The following AHNAK variants were observed in gnomAD, a reference collection of about 807,000 sequenced individuals.
AHNAK encodes neuroblast differentiation-associated protein AHNAK.
Under a neutral mutation model 37.8 loss-of-function variants are expected in AHNAK, and 23 were observed. That is an observed-to-expected ratio of 0.61 (90% CI 0.44 to 0.86). AHNAK has a LOEUF of 0.86. Ranked by LOEUF, AHNAK falls within the 40% of genes least tolerant of loss-of-function variation. The pLI is 0.00. For synonymous variants in AHNAK, 2,481 were observed against 2,636.3 expected, an observed-to-expected ratio of 0.94 and a Z score of 1.80; for missense variants, 7,411 against 7,319.4, an observed-to-expected ratio of 1.01 and a Z score of -0.46.
Position 62,531,073 on chromosome 11 carries a change from A to G in AHNAK, c.3344T>C (p.Val1115Ala), listed in dbSNP as rs1940726503. Residue 1115 changes from valine to alanine, a missense_variant, in exon 5 of 5, where the codon GTG (valine) becomes GCG (alanine). Transcript: ENST00000378024. ...GCTCCAGTCCAGGCCTTGGCCTTCCACATCTGGTGCTTTAATATCTACCTT... is the reference window on the plus strand; with the variant it reads ...GCTCCAGTCCAGGCCTTGGCCTTCCGCATCTGGTGCTTTAATATCTACCTT... ...GPKVDIKAPD[V>A]EGQGLDWSLK... 6 of 1,613,554 alleles carry G rather than the reference A, an allele frequency of 3.7e-6. No individual in the cohort carries two copies. Among genetic ancestry groups the G allele is most frequent in the Non-Finnish European group, 5.1e-6 (6 of 1,179,914 alleles).
intron 5 of AHNAK, among the ~76,000 whole-genome samples, chr11:62,479,221 A>G (rs2905820): frequency 0.78 from 110,942 of 142,158 alleles, 48,276 homozygotes; most frequent in Non-Finnish European, 0.96. Flanking sequence ...AGGTTGGGGT[A>G]CAATGGCACG....
Position 62,522,425 on chromosome 11 carries a change from C to T in AHNAK, c.11992G>A (p.Ala3998Thr). 1 of 1,614,080 alleles carries T rather than the reference C, an allele frequency of 6.2e-7. No homozygotes were observed. Among genetic ancestry groups the T allele is most frequent in the Admixed American group, 1.7e-5 (1 of 59,998 alleles). ...AAGTCAGGCATGGAGATCTTGGGGG[C>T]TTTGATGTTCATCTCTGGCATCTTG... Reference protein sequence around the residue: ...KFKMPEMNIKAPKISMPDFDL... With the variant: ...KFKMPEMNIKTPKISMPDFDL... The change falls in exon 5 of 5, where the codon GCC becomes ACC. Residue 3998 changes from alanine to threonine, a missense_variant. Coordinates refer to ENST00000378024, the MANE Select transcript of AHNAK (RefSeq NM_001620.3).
At position 62,523,707 on chromosome 11, in the gene AHNAK, C is replaced by G; in HGVS notation, c.10710G>C (p.Gly3570=). 6.2e-7 allele frequency: 1 copy of G among 1,612,910 alleles called. No homozygotes were observed. Among genetic ancestry groups the G allele is most frequent in the African/African-American group, 1.3e-5 (1 of 74,554 alleles). ...TATCAACCTCTGGCCCTTTCAGATCCCCTTCAAGTTTGGGAAGAGAAATAT... is the reference window on the plus strand; with the variant it reads ...TATCAACCTCTGGCCCTTTCAGATCGCCTTCAAGTTTGGGAAGAGAAATAT... ...DVDISLPKLE[G]DLKGPEVDIK... is the part of the protein sequence containing the mutation. Residue 3570 remains glycine (G), a synonymous_variant, in exon 5 of 5, where the codon GGG becomes GGC. Transcript: ENST00000378024.
In AHNAK at chr11:62,526,123, T is replaced by C. The variant is rs1444179215; in HGVS notation, c.8294A>G (p.Lys2765Arg). The change falls in exon 5 of 5, where the codon AAG (lysine) becomes AGG (arginine). Residue 2765 changes from lysine to arginine, a missense_variant. Transcript: ENST00000378024. Reference protein sequence around the residue: ...VDVHGPDWHLKMPKIKMPKIS... With the variant: ...VDVHGPDWHLRMPKIKMPKIS... ...CTTGGGCATTTTTATCTTGGGCATCTTTAGGTGCCAGTCTGGGCCATGAAC... is the reference window on the plus strand; with the variant it reads ...CTTGGGCATTTTTATCTTGGGCATCCTTAGGTGCCAGTCTGGGCCATGAAC... 2 of 1,613,626 alleles carry C rather than the reference T, an allele frequency of 1.2e-6. No individual in the cohort carries two copies. The highest frequency in any genetic ancestry group is 3.3e-5 in the Admixed American group (2 of 59,930).
chr11:62,499,747 T>A (rs1263321325), intron 4 of AHNAK, among the ~76,000 whole-genome samples: 1 of 152,164 alleles, frequency 6.6e-6, no homozygotes, highest in East Asian at 1.9e-4. Flanking sequence ...CCACGTAGAA[T>A]GATGATGGCT....
chr11:62,482,137 G>A lies in AHNAK; in HGVS notation c.442+9595C>T, dbSNP rs559655520. On this transcript the variant is annotated intron_variant, in intron 5 of 5. Coordinates refer to the AHNAK transcript ENST00000257247. ...ACCTTCATCAAGATGTATTTAGGCC[G>A]GGTGCAGTGGCTCACATCTGTAATC... 1.6e-4 allele frequency among the ~76,000 whole-genome samples: 24 copies of A among 152,188 alleles called. No homozygotes were observed. The South Asian group carries it at 3.9e-3, about 25-fold the overall frequency.
chr11:62,468,484 G>A (rs78129749), intron 5 of AHNAK, among the ~76,000 whole-genome samples: 6,440 of 152,100 alleles, frequency 0.042, 187 homozygotes, highest in Middle Eastern at 0.078. Context: ...AATTATAGGA[G>A]GCCATTGGTT....
At chr11:62,450,404 G>A (rs1297905365) in intron 5 of AHNAK, among the ~76,000 whole-genome samples, 3 of 152,052 alleles carry the variant, frequency 2.0e-5, no homozygotes, top group African/African-American at 4.8e-5. Flanking sequence ...TGTTGGCCAG[G>A]CTGGTCTCAA....
chr11:62,491,944 T>C (rs11231109), intron 4 of AHNAK: 54,727 of 924,782 alleles, frequency 0.059, 6,246 homozygotes, highest in African/African-American at 0.42. Flanking sequence ...CGTTTACCAC[T>C]ACCACCCCCC....
chr11:62,520,626 T>A lies in AHNAK; in HGVS notation c.13791A>T (p.Glu4597Asp). The A allele has an allele frequency of 6.2e-7, 1 of 1,613,954 alleles. No individual in the cohort carries two copies. Among genetic ancestry groups the A allele is most frequent in the East Asian group, 2.2e-5 (1 of 44,832 alleles). Reference protein sequence around the residue: ...HLKAPKISMPEVDLNLKGPKV... With the variant: ...HLKAPKISMPDVDLNLKGPKV... Reference sequence around the variant, plus strand: ...TTGGACCTTTCAGATTCAGGTCAACTTCAGGCATAGAGATCTTCGGTGCCT... The same window carrying A: ...TTGGACCTTTCAGATTCAGGTCAACATCAGGCATAGAGATCTTCGGTGCCT... The change falls in exon 5 of 5, where the codon GAA becomes GAT. Residue 4597 changes from glutamate to aspartate, a missense_variant. By Grantham distance (45) the Glu-to-Asp change is conservative (BLOSUM62 2). Coordinates refer to ENST00000378024, the MANE Select transcript of AHNAK (RefSeq NM_001620.3).
At chr11:62,437,432 G>A (rs1411926896) in intron 5 of AHNAK, among the ~76,000 whole-genome samples, 3 of 152,148 alleles carry the variant, frequency 2.0e-5, no homozygotes, top group Admixed American at 1.3e-4. Context: ...CTCAGCCACT[G>A]CAACATCTGC....
chr11:62,536,278 C>T (rs577933583), intron 2 of AHNAK, 180 bp from the exon 3 acceptor site: 3 of 565,948 alleles, frequency 5.3e-6, no homozygotes, highest in East Asian at 3.4e-5. Context: ...ATTCGTCTCA[C>T]GTCCTTCCAC....
intron 2 of AHNAK, 171 bp from the exon 3 acceptor site, chr11:62,536,269 T>A: frequency 1.6e-6 from 1 of 613,050 alleles, no homozygotes; most frequent in South Asian, 2.4e-5. Flanking sequence ...GGTGGGGTAA[T>A]TCGTCTCACG....
chr11:62,521,754 T>A lies in AHNAK; in HGVS notation c.12663A>T (p.Gly4221=), dbSNP rs140077423. The change falls in exon 5 of 5, where the codon GGA becomes GGT. Residue 4221 remains glycine, a synonymous_variant. Coordinates refer to ENST00000378024, the MANE Select transcript of AHNAK (RefSeq NM_001620.3). The part of the protein sequence containing the change: ...NLPKADLDVS[G]PKVDIDVPDV... ...CAGGAACATCAATGTCCACCTTGGG[T>A]CCTGAGACGTCAAGGTCAGCCTTGG... is the stretch of plus-strand genomic sequence containing the variant. The A allele has an allele frequency of 1.0e-4, 168 of 1,612,264 alleles. No individual in the cohort carries two copies. The highest frequency in any genetic ancestry group is 1.4e-4 in the Non-Finnish European group (160 of 1,179,580).
In AHNAK at chr11:62,526,712, T is replaced by A. The variant is rs1940504068; in HGVS notation, c.7705A>T (p.Met2569Leu). The change falls in exon 5 of 5, where the codon ATG becomes TTG. Residue 2569 changes from methionine (M) to leucine (L), a missense_variant. Coordinates refer to ENST00000378024, the MANE Select transcript of AHNAK (RefSeq NM_001620.3). Reference protein sequence around the residue: ...EGKLKGPKLKMPEMNIKAPKI... With the variant: ...EGKLKGPKLKLPEMNIKAPKI... ...GGGGCTTTGATGTTCATCTCTGGCA[T>A]CTTTAACTTAGGCCCTTTCAACTTT... 1.1e-5 allele frequency: 18 copies of A among 1,613,484 alleles called. No homozygotes were observed. Among genetic ancestry groups the A allele is most frequent in the Non-Finnish European group, 1.5e-5 (18 of 1,179,908 alleles).
Position 62,507,690 on chromosome 11 carries a change from C to T in AHNAK, c.343-15859G>A, listed in dbSNP as rs941902638. ...CTGTAGTCCCAGCTACTCAGGAAGCCGAGGCAGGAGAATCCAGGAGGCAGA... is the reference window on the plus strand; with the variant it reads ...CTGTAGTCCCAGCTACTCAGGAAGCTGAGGCAGGAGAATCCAGGAGGCAGA... On this transcript the variant is annotated intron_variant, in intron 4 of 5. Transcript: ENST00000257247. Among the ~76,000 whole-genome samples, 4 of 151,908 alleles carry T rather than the reference C, an allele frequency of 2.6e-5. No individual in the cohort carries two copies. In the South Asian group the frequency reaches 6.2e-4, roughly 24 times the overall value.
chr11:62,537,812 A>G (rs1315011121), intron 1 of AHNAK, among the ~76,000 whole-genome samples: 3 of 151,710 alleles, frequency 2.0e-5, no homozygotes. Context: ...CCTCCCGAGT[A>G]GCTGGGATTA....
chr11:62,454,613 C>A (rs1346108315), intron 5 of AHNAK, among the ~76,000 whole-genome samples: 1 of 152,088 alleles, frequency 6.6e-6, no homozygotes, highest in East Asian at 1.9e-4. Context: ...GGACCCGCTC[C>A]TTTAGCCAAA....
chr11:62,522,992 T>A lies in AHNAK; in HGVS notation c.11425A>T (p.Met3809Leu), dbSNP rs1351812191. The change falls in exon 5 of 5, where the codon ATG becomes TTG. Residue 3809 changes from methionine (M) to leucine (L), a missense_variant. Met to Leu is a conservative substitution (Grantham distance 15). Coordinates refer to ENST00000378024, the MANE Select transcript of AHNAK (RefSeq NM_001620.3). ...DWHLKMPKVK[M>L]PKFSMPGFKG... ...AAGCCAGGCATGCTGAACTTGGGCA[T>A]TTTCACCTTGGGCATCTTCAGGTGC... 1 of 1,613,526 alleles carries A rather than the reference T, an allele frequency of 6.2e-7. No individual in the cohort carries two copies. The highest frequency in any genetic ancestry group is 8.5e-7 in the Non-Finnish European group (1 of 1,179,972).
Sources: allele counts gnomAD v4.1 joint callset (sites outside exome capture counted in the v4.1 genomes callset), GRCh38; gene constraint gnomAD v4.1.1; transcripts MANE v1.5; gene names NCBI Gene and HGNC (gene_info 2026-07-23, HGNC 2026-07-21).